ZNF845: variants seen among roughly 807,000 people sequenced by gnomAD.
ZNF845 encodes the protein zinc finger protein 845.
ZNF845 carries 59 observed loss-of-function variants against 76.1 expected under a neutral mutation model. The ratio of observed to expected loss-of-function variants is 0.78; its 90% CI spans 0.63 to 0.96. ZNF845 has a LOEUF of 0.96. ZNF845 is among the 40% of genes least tolerant of loss of function. The pLI is 0.00. For synonymous variants in ZNF845, 361 were observed against 386.9 expected (o/e 0.93, Z 0.78); for missense variants, 1,045 against 1,172.8 (o/e 0.89, Z 1.59).
intron 1 of ZNF845, among the ~76,000 whole-genome samples, chr19:53,334,566 A>G: frequency 6.6e-6 from 1 of 151,780 alleles, no homozygotes; most frequent in African/African-American, 2.4e-5. Flanking sequence ...AGAAGGGGAG[A>G]ATGAGAGATA....
Position 53,352,721 on chromosome 19 carries a change from T to C in ZNF845, c.2046T>C (p.Arg682=), listed in dbSNP as rs762098999. The C allele has an allele frequency of 1.2e-6, 2 of 1,613,952 alleles. No individual in the cohort carries two copies. The highest frequency in any genetic ancestry group is 2.2e-5 in the East Asian group (1 of 44,872). The change falls in exon 4 of 4, where the codon CGT becomes CGC. Residue 682 remains arginine (R), a synonymous_variant. Transcript: ENST00000458035. ...GGAAGTCATACCTTACATGCCATCGTAGACTTCATACTGGAGAGAAACCTT... is the reference window on the plus strand; with the variant it reads ...GGAAGTCATACCTTACATGCCATCGCAGACTTCATACTGGAGAGAAACCTT... ...FSRKSYLTCH[R]RLHTGEKPYK... is the part of the protein sequence containing the mutation.
rs778507614 is a variant in ZNF845 at position 53,350,997 on chromosome 19, A to G, written c.322A>G (p.Ser108Gly). ...TCAGTGGAAAGAAGATGAAAGAAAT[A>G]GCCATGAAGCACCCATGACAGAAAT... is the stretch of plus-strand genomic sequence containing the variant. Reference protein sequence around the residue: ...EFQWKEDERNSHEAPMTEIKQ... With the variant: ...EFQWKEDERNGHEAPMTEIKQ... Residue 108 changes from serine to glycine, a missense_variant, in exon 4 of 4, where the codon AGC becomes GGC. Ser to Gly is a moderately conservative substitution (Grantham distance 56). Transcript: ENST00000458035. 3.1e-6 allele frequency: 5 copies of G among 1,614,220 alleles called. No individual in the cohort carries two copies. The South Asian group carries it at 5.5e-5, about 18-fold the overall frequency.
chr19:53,338,312 G>A (rs1363492663), intron 1 of ZNF845, among the ~76,000 whole-genome samples: 3 of 152,160 alleles, frequency 2.0e-5, no homozygotes, highest in East Asian at 1.9e-4. Flanking sequence ...AGGCAGTGCC[G>A]AGGCATCTCC....
At chr19:53,348,464 G>A (rs146276071) in intron 3 of ZNF845, among the ~76,000 whole-genome samples, 178 of 152,204 alleles carry the variant, frequency 1.2e-3, no homozygotes, top group African/African-American at 3.7e-3. Flanking sequence ...CAGGAAACGA[G>A]CTCTTTAATA....
Position 53,351,656 on chromosome 19 carries a change from C to A in ZNF845, c.981C>A (p.Tyr327Ter). ...CAATTCATACTGGAGAGAAATCTTACAAGTGTAATGAATGTGGCAAGACCT... is the reference window on the plus strand; with the variant it reads ...CAATTCATACTGGAGAGAAATCTTAAAAGTGTAATGAATGTGGCAAGACCT... Reference protein sequence around the residue: ...HKAIHTGEKSYKCNECGKTFS... With the variant: ...HKAIHTGEKS The change falls in exon 4 of 4, where the codon TAC becomes TAA. Residue 327 changes from tyrosine to a stop codon, truncating the protein, a stop_gained. Coordinates refer to ENST00000458035, the MANE Select transcript of ZNF845 (RefSeq NM_138374.3). LOFTEE classifies it high-confidence loss of function. 4.3e-6 allele frequency: 7 copies of A among 1,614,042 alleles called. No homozygotes were observed. The highest frequency in any genetic ancestry group is 5.1e-6 in the Non-Finnish European group (6 of 1,179,932).
chr19:53,338,769 G>A (rs932269857), intron 1 of ZNF845, among the ~76,000 whole-genome samples: 3 of 151,770 alleles, frequency 2.0e-5, no homozygotes, highest in African/African-American at 7.3e-5. Flanking sequence ...CTGGGGAGTC[G>A]AAGGTCAAGA....
At position 53,345,742 on chromosome 19, in the gene ZNF845, G is replaced by T. The variant is rs902647184; in HGVS notation, c.142+110G>T. The T allele has an allele frequency of 4.5e-6, 7 of 1,553,576 alleles. No individual in the cohort carries two copies. The Admixed American group carries it at 8.0e-5, about 18-fold the overall frequency. ...CTGTCACCCAGGGTGGAGTGAAATG[G>T]TGTGATCATGTCTTACTGCAATCTT... On this transcript the variant is annotated intron_variant, in intron 3 of 3. Coordinates refer to ENST00000458035, the MANE Select transcript of ZNF845 (RefSeq NM_138374.3).
In ZNF845 at chr19:53,353,408, A is replaced by G; in HGVS notation, c.2733A>G (p.Gly911=). 6.2e-7 allele frequency: 1 copy of G among 1,613,828 alleles called. No homozygotes were observed. Among genetic ancestry groups the G allele is most frequent in the Non-Finnish European group, 8.5e-7 (1 of 1,179,860 alleles). The change falls in exon 4 of 4, where the codon GGA becomes GGG. Residue 911 remains glycine (G), a synonymous_variant. Transcript: ENST00000458035. Reference sequence around the variant, plus strand: ...CATGTCATCATAGAATTCATACTGGAGAGAAACCTTACAAGTGTAATGAGT... The same window carrying G: ...CATGTCATCATAGAATTCATACTGGGGAGAAACCTTACAAGTGTAATGAGT... ...HLACHHRIHT[G]EKPYKCNECG...
intron 1 of ZNF845, among the ~76,000 whole-genome samples, chr19:53,336,393 C>T (rs1021641805): frequency 6.6e-6 from 1 of 151,970 alleles, no homozygotes; most frequent in African/African-American, 2.4e-5. Context: ...ATCTGTAGTT[C>T]CAGCTGCTCG....
At position 53,351,182 on chromosome 19, in the gene ZNF845, C is replaced by T. The variant is rs568966992; in HGVS notation, c.507C>T (p.Asn169=). ...KIGNQVEKSI[N]SASLVSTSQR... is the part of the protein sequence containing the mutation. ...GTAATCAAGTTGAGAAGTCTATCAA[C>T]AGTGCTTCGTTGGTTTCAACATCCC... is the stretch of plus-strand genomic sequence containing the variant. Residue 169 remains asparagine (N), a synonymous_variant, in exon 4 of 4, where the codon AAC becomes AAT. Transcript: ENST00000458035. 3 of 1,614,244 alleles carry T rather than the reference C, an allele frequency of 1.9e-6. No homozygotes were observed. Among genetic ancestry groups the T allele is most frequent in the East Asian group, 2.2e-5 (1 of 44,890 alleles).
At chr19:53,338,146 C>G (rs1291802561) in intron 1 of ZNF845, among the ~76,000 whole-genome samples, 3 of 152,152 alleles carry the variant, frequency 2.0e-5, no homozygotes, top group African/African-American at 4.8e-5. Context: ...AGGGAAGACT[C>G]AGGGCCTGGG....
chr19:53,343,413 G>C (rs1480301138), intron 2 of ZNF845, among the ~76,000 whole-genome samples: 2 of 152,178 alleles, frequency 1.3e-5, no homozygotes, highest in African/African-American at 2.4e-5. Flanking sequence ...GATACCTGAA[G>C]ATTCCTCCAG....
chr19:53,345,412 A>G lies in ZNF845; in HGVS notation c.16-94A>G, dbSNP rs1197820140. The G allele has an allele frequency of 2.5e-6, 4 of 1,603,818 alleles. No homozygotes were observed. In the African/African-American group the frequency reaches 4.0e-5, roughly 16 times the overall value. On this transcript the variant is annotated intron_variant, in intron 2 of 3. Coordinates refer to ENST00000458035, the MANE Select transcript of ZNF845 (RefSeq NM_138374.3). ...CGGATTTGTCAGAACATTCACTACA[A>G]TTAAATCCATGCTTTCCTCTCTCCT...
chr19:53,351,095 T>C lies in ZNF845; in HGVS notation c.420T>C (p.Leu140=). ...GAAACAAGCCTATTAAAGATCAGCTTGGATCAAGCTTTCATTCGCATCTGC... is the reference window on the plus strand; with the variant it reads ...GAAACAAGCCTATTAAAGATCAGCTCGGATCAAGCTTTCATTCGCATCTGC... ...HAGNKPIKDQ[L]GSSFHSHLPE... Residue 140 remains leucine (L), a synonymous_variant, in exon 4 of 4, where the codon CTT becomes CTC. Transcript: ENST00000458035. 6.2e-7 allele frequency: 1 copy of C among 1,614,214 alleles called. No individual in the cohort carries two copies. Among genetic ancestry groups the C allele is most frequent in the Non-Finnish European group, 8.5e-7 (1 of 1,180,034 alleles).
rs561834019 is a variant in ZNF845, at chr19:53,353,489, T to C, written c.2814T>C (p.Thr938=). 104 of 1,613,850 alleles carry C rather than the reference T, an allele frequency of 6.4e-5. No homozygotes were observed. In the African/African-American group the frequency reaches 6.9e-4, roughly 11 times the overall value. The change falls in exon 4 of 4, where the codon ACT becomes ACC. Residue 938 remains threonine, a synonymous_variant. Transcript: ENST00000458035. ...TTGTAATTCATAAGACAATTCATAC[T>C]GGAGAGAAACCTTACAAGTGTAATG... ...SVLVIHKTIH[T]GEKPYKCNEC...
At chr19:53,337,238 C>A in intron 1 of ZNF845, 1 of 449,404 alleles carries the variant, frequency 2.2e-6, no homozygotes, top group East Asian at 6.9e-5. Context: ...GGCCCTGTGC[C>A]TTTCTTCTCC....
At chr19:53,342,207 C>T (rs2085261620) in intron 2 of ZNF845, among the ~76,000 whole-genome samples, 1 of 151,768 alleles carries the variant, frequency 6.6e-6, no homozygotes, top group African/African-American at 2.4e-5. Flanking sequence ...CTCCACCTCC[C>T]GGGTTCAAGA....
chr19:53,347,748 C>A (rs1220386755), intron 3 of ZNF845, among the ~76,000 whole-genome samples: 1 of 152,170 alleles, frequency 6.6e-6, no homozygotes. Flanking sequence ...ATTTCACTGT[C>A]CTCTCAGAAA....
At position 53,352,147 on chromosome 19, in the gene ZNF845, G is replaced by A. The variant is rs2147048152; in HGVS notation, c.1472G>A (p.Gly491Glu). The change falls in exon 4 of 4, where the codon GGA becomes GAA. Residue 491 changes from glycine (G) to glutamate (E), a missense_variant. By Grantham distance (98) the Gly-to-Glu change is moderately conservative (BLOSUM62 -2). Coordinates refer to ENST00000458035, the MANE Select transcript of ZNF845 (RefSeq NM_138374.3). ...GTATACCATCGTAGACTTCATACTG[G>A]AGAGAAACCTTACAAATGTGAAGAA... is the stretch of plus-strand genomic sequence containing the variant. ...SLVYHRRLHT[G>E]EKPYKCEECD... The A allele has an allele frequency of 1.2e-6, 2 of 1,614,028 alleles. No individual in the cohort carries two copies. Among genetic ancestry groups the A allele is most frequent in the South Asian group, 1.1e-5 (1 of 91,066 alleles).
Sources: allele counts gnomAD v4.1 joint callset (sites outside exome capture counted in the v4.1 genomes callset), GRCh38; gene constraint gnomAD v4.1.1; transcripts MANE v1.5; gene names NCBI Gene and HGNC (gene_info 2026-07-23, HGNC 2026-07-21).